SLC39A14: variants seen among roughly 807,000 people sequenced by gnomAD.
The protein encoded by SLC39A14 is solute carrier family 39 member 14.
In SLC39A14, 19 loss-of-function variants were observed where a neutral mutation model predicts 45.5. The observed-to-expected ratio is 0.42, with a 90% confidence interval of 0.29 to 0.61. The LOEUF is 0.61. SLC39A14 is among the 20% of genes least tolerant of loss of function. The pLI is 0.22. For synonymous variants in SLC39A14, 264 were observed against 251.3 expected, an observed-to-expected ratio of 1.05 and a Z score of -0.48; for missense variants, 447 against 616.5, an observed-to-expected ratio of 0.73 and a Z score of 2.91.
chr8:22,377,894 C>T (rs1433355924), intron 1 of SLC39A14, among the ~76,000 whole-genome samples: 1 of 152,200 alleles, frequency 6.6e-6, no homozygotes, highest in Non-Finnish European at 1.5e-5. Context: ...CTGAATACCC[C>T]ATTTGGATCT....
At chr8:22,433,585 C>G (rs1248211582) in intron 8 of SLC39A14, among the ~76,000 whole-genome samples, 1 of 147,436 alleles carries the variant, frequency 6.8e-6, no homozygotes, top group Non-Finnish European at 1.5e-5. Flanking sequence ...ACTCTGTCAC[C>G]AAGGCTGGAA....
chr8:22,392,435 C>A (rs1834128686), intron 1 of SLC39A14, among the ~76,000 whole-genome samples: 1 of 152,248 alleles, frequency 6.6e-6, no homozygotes, highest in South Asian at 2.1e-4. Context: ...ATCATTCTTT[C>A]TATTTATTTA....
chr8:22,396,121 C>T (rs1834368264), intron 1 of SLC39A14, among the ~76,000 whole-genome samples: 1 of 151,986 alleles, frequency 6.6e-6, no homozygotes, highest in South Asian at 2.1e-4. Context: ...AATCCCAGCA[C>T]TTTGGGAGAC....
intron 5 of SLC39A14, 92 bp from the exon 6 acceptor site, chr8:22,415,676 TC>T: frequency 8.4e-7 from 1 of 1,188,452 alleles, no homozygotes; most frequent in Non-Finnish European, 1.2e-6. Flanking sequence ...GCTGAGGTCT[TC>T]CAGTGTGTGA....
chr8:22,414,246 TC>T (rs1835746703), intron 4 of SLC39A14, among the ~76,000 whole-genome samples: 1 of 152,144 alleles, frequency 6.6e-6, no homozygotes, highest in Non-Finnish European at 1.5e-5. Flanking sequence ...AATAACACAG[TC>T]CACTTTCTTG....
Position 22,421,849 on chromosome 8 carries a change from A to G in SLC39A14, c.*2151A>G. 1.0e-6 allele frequency: 1 copy of G among 985,408 alleles called. No individual in the cohort carries two copies. Among genetic ancestry groups the G allele is most frequent in the African/African-American group, 1.7e-5 (1 of 57,364 alleles). 61.0% of individuals were successfully genotyped at this position (985,408 alleles called of 1,614,324 possible). A position where few individuals can be genotyped will look rare whatever the true frequency, so the allele number is the denominator to read the frequency against. On this transcript the variant is annotated 3_prime_UTR_variant, in exon 9 of 9. Coordinates refer to ENST00000381237, the MANE Select transcript of SLC39A14 (RefSeq NM_001128431.4). The stretch of plus-strand genomic sequence containing the variant: ...ACTATAATCTTTAACAAATTGAAAA[A>G]TGAAATAGGGTGTTTTCCCTTTTTG...
intron 3 of SLC39A14, chr8:22,410,259 C>T (rs535609355): frequency 3.0e-5 from 24 of 810,500 alleles, no homozygotes; most frequent in Admixed American, 1.1e-4. Context: ...AAGCCACAAA[C>T]GACTTCTAAC....
At chr8:22,383,784 A>T (rs556218960) in intron 1 of SLC39A14, among the ~76,000 whole-genome samples, 97 of 152,170 alleles carry the variant, frequency 6.4e-4, no homozygotes, top group African/African-American at 2.3e-3. Flanking sequence ...TGTGACTCCA[A>T]TTGGCGTATC....
chr8:22,433,540 CTTTTTTTTTT>C (rs555154342), intron 8 of SLC39A14, among the ~76,000 whole-genome samples: 2 of 118,246 alleles, frequency 1.7e-5, no homozygotes, highest in Non-Finnish European at 3.6e-5. Flanking sequence ...TTATTTTATG[CTTTTTTTTTT>C]TTTTTTTTTT....
At chr8:22,374,433 G>A (rs186929775) in intron 1 of SLC39A14, among the ~76,000 whole-genome samples, 266 of 152,264 alleles carry the variant, frequency 1.7e-3, no homozygotes, top group Non-Finnish European at 2.2e-3. Flanking sequence ...CCAGAGGAGG[G>A]AGTGGCAGGA....
chr8:22,402,408 C>T (rs1834928261), intron 1 of SLC39A14, among the ~76,000 whole-genome samples: 1 of 151,162 alleles, frequency 6.6e-6, no homozygotes, highest in African/African-American at 2.4e-5. Context: ...AAGAAAGAGT[C>T]CCATTATTTA....
chr8:22,422,717 A>G lies in SLC39A14; in HGVS notation c.*3019A>G. ...GGGTGATCATTTGCAATAAATGTGGATGTAATGAAGGCTGTTGAACACAAG... is the reference window on the plus strand; with the variant it reads ...GGGTGATCATTTGCAATAAATGTGGGTGTAATGAAGGCTGTTGAACACAAG... On this transcript the variant is annotated 3_prime_UTR_variant, in exon 9 of 9. Transcript: ENST00000381237. The G allele has an allele frequency of 1.0e-6, 1 of 985,336 alleles. No individual in the cohort carries two copies. The highest frequency in any genetic ancestry group is 1.2e-6 in the Non-Finnish European group (1 of 829,816). 61.0% of individuals were successfully genotyped at this position (985,336 alleles called of 1,614,324 possible).
chr8:22,401,543 CTTTTTTTT>C (rs71544899), intron 1 of SLC39A14, among the ~76,000 whole-genome samples: 2 of 84,054 alleles, frequency 2.4e-5, no homozygotes, highest in South Asian at 9.7e-4. Flanking sequence ...TCTTCTCTTT[CTTTTTTTT>C]TTTTTTTTTT....
intron 2 of SLC39A14, among the ~76,000 whole-genome samples, chr8:22,407,456 G>GT (rs1488374184): frequency 2.7e-5 from 4 of 149,896 alleles, no homozygotes; most frequent in African/African-American, 7.4e-5. Context: ...CACCTCCTGG[G>GT]TTCAGGTGAT....
At chr8:22,395,802 C>T (rs1834349944) in intron 1 of SLC39A14, among the ~76,000 whole-genome samples, 1 of 152,158 alleles carries the variant, frequency 6.6e-6, no homozygotes, top group African/African-American at 2.4e-5. Flanking sequence ...CTTGCTTTGC[C>T]TGCCGTTTCT....
chr8:22,399,828 A>G lies in SLC39A14; in HGVS notation c.-15-4868A>G, dbSNP rs150815265. ...GTGCCAGCCAGGCAAAGCTGCTAAA[A>G]TCACCCTGAGTTTCCCACACCTGAA... On this transcript the variant is annotated intron_variant, in intron 1 of 8. Transcript: ENST00000381237. Among the ~76,000 whole-genome samples, 244 of 152,358 alleles carry G rather than the reference A, an allele frequency of 1.6e-3. 4 individuals are homozygous for G. The highest frequency in any genetic ancestry group is 5.7e-3 in the African/African-American group (235 of 41,584).
rs139953400 is a variant in SLC39A14, at chr8:22,418,882, A to G, written c.1333-670A>G. ...CCTCTTAAAGTGTTTAAAGTCCATA[A>G]TAAGGCCAGGCATGGTGGCAGGCAC... On this transcript the variant is annotated intron_variant, in intron 8 of 8. Coordinates refer to ENST00000381237, the MANE Select transcript of SLC39A14 (RefSeq NM_001128431.4). Among the ~76,000 whole-genome samples, 1,466 of 152,218 alleles carry G rather than the reference A, an allele frequency of 9.6e-3. 19 individuals carry two copies. Among genetic ancestry groups the G allele is most frequent in the Non-Finnish European group, 0.016 (1,071 of 68,014 alleles).
At chr8:22,410,991 G>GCC (rs1413217050) in intron 3 of SLC39A14, among the ~76,000 whole-genome samples, 3 of 152,344 alleles carry the variant, frequency 2.0e-5, no homozygotes, top group Non-Finnish European at 4.4e-5. Flanking sequence ...AGAAAAGACA[G>GCC]CAGATGGGAT....
chr8:22,373,161 G>A (rs960868125), intron 1 of SLC39A14, among the ~76,000 whole-genome samples: 2 of 151,804 alleles, frequency 1.3e-5, no homozygotes, highest in African/African-American at 4.8e-5. Flanking sequence ...TACTCTGGAG[G>A]CTGAGGCAGG....
Sources: gnomAD v4.1 joint callset for allele counts (sites outside exome capture counted in the v4.1 genomes callset) on GRCh38, gnomAD v4.1.1 for gene constraint, MANE v1.5 for transcripts, NCBI Gene and HGNC (gene_info 2026-07-23, HGNC 2026-07-21) for gene names.